Variants in METTL15 observed in about 807,000 individuals in gnomAD.
METTL15 encodes the protein methyltransferase 15, mitochondrial 12S rRNA N4-cytidine.
Under a neutral mutation model 38.3 loss-of-function variants are expected in METTL15, and 34 were observed. That is an observed-to-expected ratio of 0.89 (90% CI 0.68 to 1.18). The LOEUF (loss-of-function observed/expected upper bound fraction) is 1.18, where lower values mean the gene tolerates loss of function less well. Ranked by LOEUF, METTL15 falls within the 50% of genes most tolerant of loss-of-function variation. The pLI, the probability that METTL15 is intolerant of heterozygous loss-of-function variation, is 0.00. For synonymous variants in METTL15, 162 were observed against 170.9 expected, an observed-to-expected ratio of 0.95 and a Z score of 0.41; for missense variants, 438 against 498.4, an observed-to-expected ratio of 0.88 and a Z score of 1.15.
chr11:28,173,626 T>C (rs1850940535), intron 3 of METTL15, among the ~76,000 whole-genome samples: 1 of 152,232 alleles, frequency 6.6e-6, no homozygotes, highest in East Asian at 1.9e-4. Flanking sequence ...GAACTAATAC[T>C]GATACACAAT....
chr11:28,303,706 G>A (rs900246424), intron 6 of METTL15, among the ~76,000 whole-genome samples: 9 of 152,062 alleles, frequency 5.9e-5, no homozygotes, highest in African/African-American at 2.2e-4. Flanking sequence ...AAAAGGATAC[G>A]TACATTCCCA....
chr11:28,458,965 A>G (rs1324623495), intron 6 of METTL15, among the ~76,000 whole-genome samples: 1 of 152,096 alleles, frequency 6.6e-6, no homozygotes, highest in Non-Finnish European at 1.5e-5. Context: ...TCAACCTGAC[A>G]TGTTCATATA....
intron 4 of METTL15, among the ~76,000 whole-genome samples, chr11:28,226,472 TA>T (rs1033652787): frequency 6.6e-6 from 1 of 151,970 alleles, no homozygotes; most frequent in African/African-American, 2.4e-5. Flanking sequence ...TCATATGATA[TA>T]ATATATTCTG....
At position 28,319,870 on chromosome 11, in the gene METTL15, T is replaced by G. The variant is rs377572082; in HGVS notation, c.779-10526T>G. On this transcript the variant is annotated intron_variant, in intron 6 of 6. Transcript: ENST00000407364. ...TGTAGCATGTTGCATTTCCCAGACTTACTTGACAACAGATACATTGGTGTT... is the reference window on the plus strand; with the variant it reads ...TGTAGCATGTTGCATTTCCCAGACTGACTTGACAACAGATACATTGGTGTT... Among the ~76,000 whole-genome samples the G allele has an allele frequency of 5.3e-5, 8 of 152,280 alleles. No individual in the cohort carries two copies. In the East Asian group the frequency reaches 1.5e-3, roughly 29 times the overall value.
At chr11:28,158,770 A>T (rs1476781903) in intron 3 of METTL15, among the ~76,000 whole-genome samples, 2 of 152,142 alleles carry the variant, frequency 1.3e-5, no homozygotes, top group Non-Finnish European at 2.9e-5. Context: ...CATGGAATTT[A>T]CTGGTCTTAC....
chr11:28,437,431 G>T (rs1310466691), intron 6 of METTL15, among the ~76,000 whole-genome samples: 1 of 152,186 alleles, frequency 6.6e-6, no homozygotes, highest in African/African-American at 2.4e-5. Context: ...TGCACATATA[G>T]GGATGCAACA....
chr11:28,250,327 T>C (rs1042375131), intron 4 of METTL15, among the ~76,000 whole-genome samples: 4 of 152,218 alleles, frequency 2.6e-5, no homozygotes, highest in African/African-American at 9.6e-5. Flanking sequence ...TAAACTAATT[T>C]ACATTACCAC....
intron 4 of METTL15, among the ~76,000 whole-genome samples, chr11:28,358,079 T>G (rs1181472782): frequency 6.6e-6 from 1 of 152,070 alleles, no homozygotes; most frequent in African/African-American, 2.4e-5. Flanking sequence ...GGGAAATCTG[T>G]GACATTGAAA....
intron 5 of METTL15, among the ~76,000 whole-genome samples, chr11:28,405,724 G>T (rs1412464283): frequency 6.6e-6 from 1 of 152,088 alleles, no homozygotes; most frequent in Non-Finnish European, 1.5e-5. Context: ...TGAATAATCT[G>T]CAGCACATGC....
At chr11:28,264,513 A>G (rs1172217383) in intron 4 of METTL15, among the ~76,000 whole-genome samples, 8 of 152,208 alleles carry the variant, frequency 5.3e-5, no homozygotes, top group African/African-American at 1.2e-4. Context: ...CCCAGATTCT[A>G]TAGTTACATG....
chr11:28,141,950 A>G (rs546212783), intron 3 of METTL15, among the ~76,000 whole-genome samples: 5 of 152,304 alleles, frequency 3.3e-5, no homozygotes, highest in East Asian at 1.9e-4. Flanking sequence ...AATTCCTCCT[A>G]TGGTTAGCTT....
chr11:28,125,791 A>G (rs1852455602), intron 3 of METTL15: 1 of 152,088 alleles, frequency 6.6e-6, no homozygotes, highest in Non-Finnish European at 1.5e-5. Context: ...AAAATCTTCT[A>G]AAATCTTATT....
rs34686157 is a variant in METTL15, at chr11:28,455,216, CTT to C, written c.*424+30876_*424+30877del. Among the ~76,000 whole-genome samples the C allele has an allele frequency of 3.0e-3, 259 of 85,732 alleles. 2 individuals carry two copies. Among genetic ancestry groups the C allele is most frequent in the Non-Finnish European group, 4.5e-3 (203 of 45,154 alleles). The allele number at this position is 85,732 out of a possible 152,430, so 56.2% of individuals were successfully genotyped here. A position where few individuals can be genotyped will look rare whatever the true frequency, so the allele number is the denominator to read the frequency against. ...CTCAATAACACATGGGATCAGCTAGCTTTTTTTTTTTTTTTTTTTTTTTTTCA... is the reference window on the plus strand; with the variant it reads ...CTCAATAACACATGGGATCAGCTAGCTTTTTTTTTTTTTTTTTTTTTTTCA... On this transcript the variant is annotated intron_variant and NMD_transcript_variant, in intron 6 of 7. Coordinates refer to the METTL15 transcript ENST00000532947.
intron 3 of METTL15, among the ~76,000 whole-genome samples, chr11:28,197,000 G>C (rs1851932956): frequency 1.3e-5 from 2 of 151,758 alleles, no homozygotes; most frequent in South Asian, 4.2e-4. Context: ...ATCCGAGAAA[G>C]AAAAGTAATA....
chr11:28,141,768 AATGGCTGGTT>A (rs1590799406), intron 3 of METTL15, among the ~76,000 whole-genome samples: 1 of 152,216 alleles, frequency 6.6e-6, no homozygotes, highest in Admixed American at 6.5e-5. Flanking sequence ...GCTAGGGAAC[AATGGCTGGTT>A]ATTGCTTAAT....
chr11:28,317,963 G>T (rs1252671186), intron 6 of METTL15, among the ~76,000 whole-genome samples: 3 of 152,076 alleles, frequency 2.0e-5, no homozygotes, highest in Non-Finnish European at 2.9e-5. Context: ...TTTTTTTGGG[G>T]TGATATCATT....
intron 4 of METTL15, among the ~76,000 whole-genome samples, chr11:28,238,464 G>C (rs10835293): frequency 6.6e-6 from 1 of 152,106 alleles, no homozygotes; most frequent in Non-Finnish European, 1.5e-5. Flanking sequence ...TCGGAAAAGC[G>C]CAGTATTCGG....
At chr11:28,377,058 G>T (rs1265678194) in intron 5 of METTL15, among the ~76,000 whole-genome samples, 3 of 132,184 alleles carry the variant, frequency 2.3e-5, no homozygotes, top group African/African-American at 7.7e-5. Flanking sequence ...TCCCTTTGAG[G>T]GTAACCCGAC....
At chr11:28,190,455 C>T (rs1402944151) in intron 3 of METTL15, among the ~76,000 whole-genome samples, 1 of 151,004 alleles carries the variant, frequency 6.6e-6, no homozygotes, top group African/African-American at 2.4e-5. Context: ...ATTAAGAGTG[C>T]AAAGAAGATC....
Sources: allele counts gnomAD v4.1 joint callset (sites outside exome capture counted in the v4.1 genomes callset), GRCh38; gene constraint gnomAD v4.1.1; transcripts MANE v1.5; gene names NCBI Gene and HGNC (gene_info 2026-07-23, HGNC 2026-07-21).